Variants in ARHGAP15 observed in about 807,000 individuals in gnomAD.
ARHGAP15 encodes the protein Rho GTPase activating protein 15, also known as rho GTPase-activating protein 15.
A neutral mutation model predicts 63.7 loss-of-function variants in ARHGAP15; 51 were observed. That is an observed-to-expected ratio of 0.80 (90% CI 0.64 to 1.01). ARHGAP15 has a LOEUF of 1.01. ARHGAP15 is among the 50% of genes least tolerant of loss of function. The pLI is 0.00. For synonymous variants in ARHGAP15, 191 were observed against 193.8 expected, an observed-to-expected ratio of 0.99 and a Z score of 0.12; for missense variants, 560 against 564.6, an observed-to-expected ratio of 0.99 and a Z score of 0.08.
At chr2:143,321,937 A>G (rs1161707898) in intron 6 of ARHGAP15, among the ~76,000 whole-genome samples, 5 of 152,150 alleles carry the variant, frequency 3.3e-5, no homozygotes, top group Non-Finnish European at 5.9e-5. Context: ...CTTGGCCACA[A>G]TTATCTTCCT....
intron 8 of ARHGAP15, among the ~76,000 whole-genome samples, chr2:143,472,659 C>T (rs1691632794): frequency 6.6e-6 from 1 of 151,442 alleles, no homozygotes; most frequent in African/African-American, 2.4e-5. Flanking sequence ...ACTCACTTTT[C>T]AGCTAAGCTA....
rs70982875 is a variant in ARHGAP15 at position 143,618,833 on chromosome 2, CT to C, written c.1004-5289del. On this transcript the variant is annotated intron_variant, in intron 11 of 13. Transcript: ENST00000295095. ...AATACAAGAGGAAAGGGGTAAACTC[CT>C]TTTTTTTTTTCCTTTGAGACGGAGT... Among the ~76,000 whole-genome samples the C allele has an allele frequency of 6.1e-4, 91 of 148,758 alleles. 1 individual carries two copies. The highest frequency in any genetic ancestry group is 3.4e-3 in the Middle Eastern group (1 of 290).
At chr2:143,209,679 G>A (rs943689660) in intron 3 of ARHGAP15, among the ~76,000 whole-genome samples, 3 of 151,990 alleles carry the variant, frequency 2.0e-5, no homozygotes, top group Non-Finnish European at 2.9e-5. Context: ...GCAAAGAACT[G>A]GAAGAAGAAT....
At chr2:143,221,442 A>C (rs921628232) in intron 4 of ARHGAP15, among the ~76,000 whole-genome samples, 1 of 152,170 alleles carries the variant, frequency 6.6e-6, no homozygotes, top group Admixed American at 6.5e-5. Flanking sequence ...CAGGCTTGAA[A>C]ACAGAATACA....
intron 9 of ARHGAP15, among the ~76,000 whole-genome samples, chr2:143,507,728 G>A (rs574556738): frequency 2.0e-5 from 3 of 152,066 alleles, no homozygotes; most frequent in African/African-American, 7.2e-5. Flanking sequence ...AGTAATCCTT[G>A]ATTCTTCAGA....
intron 13 of ARHGAP15, among the ~76,000 whole-genome samples, chr2:143,736,531 GTGTATAGTTATAGACAAAGTGTAGAA>G (rs1316069529): frequency 6.6e-6 from 1 of 152,160 alleles, no homozygotes; most frequent in African/African-American, 2.4e-5. Context: ...AAAGTGTAGA[GTGTATAGTTATAGACAAAGTGTAGAA>G]TGTAGACAAA....
intron 8 of ARHGAP15, 112 bp from the exon 9 acceptor site, chr2:143,487,261 C>A: frequency 8.1e-7 from 1 of 1,229,610 alleles, no homozygotes; most frequent in Non-Finnish European, 1.1e-6. Context: ...AGAGCCTGAG[C>A]TATTAATTCA....
At chr2:143,347,222 C>T (rs904851403) in intron 6 of ARHGAP15, among the ~76,000 whole-genome samples, 3 of 152,132 alleles carry the variant, frequency 2.0e-5, no homozygotes, top group East Asian at 1.9e-4. Flanking sequence ...GCTGCACTCC[C>T]AGCATTGCCT....
chr2:143,295,011 G>A (rs535884688), intron 6 of ARHGAP15, among the ~76,000 whole-genome samples: 6 of 151,992 alleles, frequency 3.9e-5, no homozygotes, highest in Admixed American at 6.6e-5. Context: ...AATACTCAGG[G>A]TGATGCTAAA....
intron 11 of ARHGAP15, among the ~76,000 whole-genome samples, chr2:143,606,061 AAAAAAAAAAG>A (rs1266491545): frequency 0.05 from 3,968 of 79,882 alleles, 599 homozygotes; most frequent in Non-Finnish European, 0.082. Flanking sequence ...AAAAAAAAAA[AAAAAAAAAAG>A]CCATACATCT....
chr2:143,586,473 CT>C (rs1384061115), intron 11 of ARHGAP15, among the ~76,000 whole-genome samples: 1 of 151,628 alleles, frequency 6.6e-6, no homozygotes, highest in Admixed American at 6.6e-5. Flanking sequence ...TGTCTTTAAT[CT>C]TTTTCTTTTC....
At chr2:143,140,924 T>A (rs925716032) in intron 1 of ARHGAP15, among the ~76,000 whole-genome samples, 1 of 152,090 alleles carries the variant, frequency 6.6e-6, no homozygotes, top group East Asian at 1.9e-4. Flanking sequence ...GCATTGAGCT[T>A]TAGGTTTGAA....
chr2:143,338,222 A>G (rs1008767810), intron 6 of ARHGAP15, among the ~76,000 whole-genome samples: 7 of 152,202 alleles, frequency 4.6e-5, no homozygotes, highest in African/African-American at 1.7e-4. Context: ...AAGAAGTCCA[A>G]TCAAGAGCAG....
intron 6 of ARHGAP15, among the ~76,000 whole-genome samples, chr2:143,371,475 C>T (rs1686548802): frequency 6.6e-6 from 1 of 152,126 alleles, no homozygotes. Context: ...TATCTGTCTG[C>T]CTGCCTGTCT....
In ARHGAP15 at chr2:143,603,060, T is replaced by C. The variant is rs183346425; in HGVS notation, c.1004-21073T>C. On this transcript the variant is annotated intron_variant, in intron 11 of 13. Transcript: ENST00000295095. ...AGAGATCTGTATGTATAGTTTACCT[T>C]GAAGTCAATTGAAAACAGAATATTC... is the stretch of plus-strand genomic sequence containing the variant. Among the ~76,000 whole-genome samples, 108 of 152,308 alleles carry C rather than the reference T, an allele frequency of 7.1e-4. No homozygotes were observed. In the East Asian group the frequency reaches 0.02, roughly 28 times the overall value.
At chr2:143,419,676 A>G (rs998463433) in intron 6 of ARHGAP15, among the ~76,000 whole-genome samples, 1 of 152,014 alleles carries the variant, frequency 6.6e-6, no homozygotes, top group South Asian at 2.1e-4. Flanking sequence ...ATATATGTAT[A>G]TAAACATAAC....
chr2:143,542,180 T>A (rs1457959243), intron 10 of ARHGAP15, among the ~76,000 whole-genome samples: 1 of 152,138 alleles, frequency 6.6e-6, no homozygotes, highest in Non-Finnish European at 1.5e-5. Flanking sequence ...CCGAGCTAGG[T>A]GTGGGATATA....
chr2:143,207,436 TTC>T (rs960375496), intron 3 of ARHGAP15, among the ~76,000 whole-genome samples: 1 of 151,730 alleles, frequency 6.6e-6, no homozygotes, highest in African/African-American at 2.4e-5. Context: ...CCGAATATTT[TTC>T]TGTTTTCTCT....
chr2:143,555,859 CAA>C (rs1559048504), intron 10 of ARHGAP15, among the ~76,000 whole-genome samples: 5 of 103,418 alleles, frequency 4.8e-5, no homozygotes, highest in African/African-American at 1.1e-4. Context: ...CACAGGAAAA[CAA>C]GAATAGAATA....
Sources: allele counts gnomAD v4.1 joint callset (sites outside exome capture counted in the v4.1 genomes callset), GRCh38; gene constraint gnomAD v4.1.1; transcripts MANE v1.5; gene names NCBI Gene and HGNC (gene_info 2026-07-23, HGNC 2026-07-21).